SORCS2: variants seen among roughly 807,000 people sequenced by gnomAD.
SORCS2 encodes VPS10 domain-containing receptor SorCS2.
Under a neutral mutation model 141.6 loss-of-function variants are expected in SORCS2, and 100 were observed. That is an observed-to-expected ratio of 0.71 (90% confidence interval 0.60 to 0.83). The LOEUF (loss-of-function observed/expected upper bound fraction) is 0.83, where lower values mean the gene tolerates loss of function less well. Among genes scored for constraint, SORCS2 ranks in the 40% least tolerant of loss-of-function variants. SORCS2 has a pLI of 0.00. For synonymous variants in SORCS2, 789 were observed against 676.9 expected, an observed-to-expected ratio of 1.17 and a Z score of -2.57; for missense variants, 1,646 against 1,560.2, an observed-to-expected ratio of 1.05 and a Z score of -0.93.
intron 3 of SORCS2, among the ~76,000 whole-genome samples, chr4:7,632,155 C>A: frequency 6.6e-6 from 1 of 152,136 alleles, no homozygotes; most frequent in East Asian, 1.9e-4. Context: ...ATGTGTCTGC[C>A]CCTGACCATT....
Position 7,494,394 on chromosome 4 carries a change from AAAC to A in SORCS2, c.549-37131_549-37129del, listed in dbSNP as rs199979411. On this transcript the variant is annotated intron_variant, in intron 2 of 26. Coordinates refer to ENST00000507866, the MANE Select transcript of SORCS2 (RefSeq NM_020777.3). ...ACAAAATATGCAGACTGCAAGGCTT[AAAC>A]AACAGCCATTTGTTTCTTAATTCTG... Among the ~76,000 whole-genome samples the A allele has an allele frequency of 9.0e-3, 1,372 of 152,332 alleles. 23 individuals are homozygous for A. Among genetic ancestry groups the A allele is most frequent in the African/African-American group, 0.032 (1,311 of 41,574 alleles).
At chr4:7,488,032 G>A (rs552683273) in intron 2 of SORCS2, among the ~76,000 whole-genome samples, 18 of 152,318 alleles carry the variant, frequency 1.2e-4, no homozygotes, top group African/African-American at 4.3e-4. Flanking sequence ...GCCCTGCGAT[G>A]GCCAGTAGGT....
chr4:7,216,990 G>A (rs1376417583), intron 1 of SORCS2, among the ~76,000 whole-genome samples: 2 of 152,154 alleles, frequency 1.3e-5, no homozygotes, highest in African/African-American at 4.8e-5. Flanking sequence ...CGCACTGTGT[G>A]GCGGTTCCCG....
At position 7,416,768 on chromosome 4, in the gene SORCS2, G is replaced by A. The variant is rs1203749377; in HGVS notation, c.548+20413G>A. Among the ~76,000 whole-genome samples the A allele has an allele frequency of 2.0e-5, 3 of 146,520 alleles. No individual in the cohort carries two copies. The East Asian group carries it at 6.1e-4, about 30-fold the overall frequency. On this transcript the variant is annotated intron_variant, in intron 2 of 26. Coordinates refer to ENST00000507866, the MANE Select transcript of SORCS2 (RefSeq NM_020777.3). ...CACACTTGTGCGCACACAGACACATGCATGCATGTACACACACGCTTGTGC... is the reference window on the plus strand; with the variant it reads ...CACACTTGTGCGCACACAGACACATACATGCATGTACACACACGCTTGTGC...
chr4:7,687,453 C>T (rs114767630), intron 10 of SORCS2, among the ~76,000 whole-genome samples: 2 of 152,286 alleles, frequency 1.3e-5, no homozygotes, highest in African/African-American at 2.4e-5. Context: ...CAGCGGGCAA[C>T]GTCTTAACAC....
At position 7,664,209 on chromosome 4, in the gene SORCS2, T is replaced by TGTC; in HGVS notation, c.953-143_953-141dup. 1 of 620,372 alleles carries TGTC rather than the reference T, an allele frequency of 1.6e-6. No homozygotes were observed. The highest frequency in any genetic ancestry group is 2.8e-6 in the Non-Finnish European group (1 of 357,794). The allele number at this position is 620,372 out of a possible 1,614,324, so 38.4% of individuals were successfully genotyped here. Reference sequence around the variant, plus strand: ...CGAGGATGACACCCTCAGCCGCAGGTGTCATCACGGTGGCCTTTAGAATTC... The same window carrying TGTC: ...CGAGGATGACACCCTCAGCCGCAGGTGTCGTCATCACGGTGGCCTTTAGAATTC... On this transcript the variant is annotated intron_variant, in intron 6 of 26. Transcript: ENST00000507866. This position sits in a 1 kb window ranked among gnomAD's most constrained non-coding sequence, Gnocchi z 4.7.
At chr4:7,702,190 G>A (rs1166549959) in intron 12 of SORCS2, among the ~76,000 whole-genome samples, 1 of 152,180 alleles carries the variant, frequency 6.6e-6, no homozygotes, top group Admixed American at 6.5e-5. Context: ...CCCCTCCTGG[G>A]CTTTCCTGTG....
intron 3 of SORCS2, among the ~76,000 whole-genome samples, chr4:7,538,468 C>T (rs1206309687): frequency 1.3e-5 from 2 of 152,202 alleles, no homozygotes; most frequent in East Asian, 1.9e-4. Context: ...TGTGAAGGCA[C>T]GGCCCAGAGG....
rs1242035353 is a variant in SORCS2, at chr4:7,664,701, C to A, written c.1071+230C>A. ...GGGACACTGAGGCTCCACCTCCCTT[C>A]TGGCCACCACGAACCTCCCAGCCAC... is the stretch of plus-strand genomic sequence containing the variant. On this transcript the variant is annotated intron_variant, in intron 7 of 26. Transcript: ENST00000507866. The surrounding 1 kb of genome is among the most constrained non-coding windows in gnomAD (Gnocchi z 4.7). 2.6e-5 allele frequency among the ~76,000 whole-genome samples: 4 copies of A among 152,202 alleles called. No individual in the cohort carries two copies. Among genetic ancestry groups the A allele is most frequent in the African/African-American group, 9.7e-5 (4 of 41,450 alleles).
intron 2 of SORCS2, among the ~76,000 whole-genome samples, chr4:7,509,775 C>T (rs1490390360): frequency 1.3e-5 from 2 of 152,168 alleles, no homozygotes; most frequent in African/African-American, 4.8e-5. Flanking sequence ...CACCGCCCAC[C>T]GGGGCTGTGT....
intron 1 of SORCS2, among the ~76,000 whole-genome samples, chr4:7,299,808 C>A (rs1489547604): frequency 2.0e-5 from 3 of 152,192 alleles, no homozygotes; most frequent in Non-Finnish European, 2.9e-5. Context: ...GCAACGGACC[C>A]CTGAGCTCTC....
intron 2 of SORCS2, among the ~76,000 whole-genome samples, chr4:7,451,889 G>A (rs947096318): frequency 6.6e-6 from 1 of 152,184 alleles, no homozygotes; most frequent in African/African-American, 2.4e-5. Context: ...CCTGACACCT[G>A]GCAGGCAGCA....
chr4:7,417,330 G>C (rs1258648242), intron 2 of SORCS2, among the ~76,000 whole-genome samples: 2 of 152,148 alleles, frequency 1.3e-5, no homozygotes, highest in African/African-American at 4.8e-5. Context: ...TTGGAGCCCT[G>C]CTTTTCCTGT....
intron 2 of SORCS2, among the ~76,000 whole-genome samples, chr4:7,516,139 G>A (rs1049902342): frequency 2.0e-5 from 3 of 152,202 alleles, no homozygotes; most frequent in Non-Finnish European, 2.9e-5. Context: ...TGGGCATTGG[G>A]CTGAGAGGTG....
At chr4:7,298,101 G>T (rs1434299207) in intron 1 of SORCS2, among the ~76,000 whole-genome samples, 1 of 152,222 alleles carries the variant, frequency 6.6e-6, no homozygotes, top group Non-Finnish European at 1.5e-5. Context: ...GGAGTCCCAG[G>T]GGTGGGACAA....
At chr4:7,724,007 C>T (rs577547215) in intron 19 of SORCS2, 124 bp downstream of exon 19, 764 of 1,189,818 alleles carry the variant, frequency 6.4e-4, no homozygotes, top group Non-Finnish European at 8.2e-4. Flanking sequence ...ACGGTGAACC[C>T]GAGGGCAGGG....
intron 2 of SORCS2, among the ~76,000 whole-genome samples, chr4:7,517,870 C>T (rs774398157): frequency 1.5e-4 from 23 of 152,204 alleles, no homozygotes; most frequent in Admixed American, 2.6e-4. Flanking sequence ...CCACCACGCA[C>T]AGCACGTGGT....
intron 3 of SORCS2, among the ~76,000 whole-genome samples, chr4:7,549,410 G>C (rs1015025153): frequency 8.6e-5 from 13 of 151,618 alleles, no homozygotes; most frequent in African/African-American, 1.2e-4. Context: ...TTATTGATGT[G>C]GTGGGGCATT....
intron 18 of SORCS2, 46 bp downstream of exon 18, chr4:7,718,229 G>T: frequency 6.3e-7 from 1 of 1,582,894 alleles, no homozygotes; most frequent in African/African-American, 1.4e-5. Flanking sequence ...TCGGGCAGGG[G>T]CGGCTCCAAC....
Sources: allele counts gnomAD v4.1 joint callset (sites outside exome capture counted in the v4.1 genomes callset), GRCh38; gene constraint gnomAD v4.1.1; non-coding constraint Gnocchi (gnomAD v3.1); transcripts MANE v1.5; gene names NCBI Gene and HGNC (gene_info 2026-07-23, HGNC 2026-07-21).